COL5A1: variants seen among roughly 807,000 people sequenced by gnomAD.
The protein encoded by COL5A1 is collagen alpha-1(V) chain.
In COL5A1, 16 loss-of-function variants were observed where a neutral mutation model predicts 263.7. The ratio of observed to expected loss-of-function variants is 0.06; its 90% CI spans 0.04 to 0.09. The LOEUF (loss-of-function observed/expected upper bound fraction) is 0.09. COL5A1 is among the 10% of genes least tolerant of loss of function. The pLI, the probability that COL5A1 is intolerant of heterozygous loss-of-function variation, is 1.00. For synonymous variants in COL5A1, 1,012 were observed against 1,004.5 expected (o/e 1.01, Z -0.14); for missense variants, 2,036 against 2,540.5 (o/e 0.80, Z 4.27).
At position 134,842,058 on chromosome 9, in the gene COL5A1, C is replaced by T; in HGVS notation, c.5371-99C>T. 7.0e-7 allele frequency: 1 copy of T among 1,425,030 alleles called. No homozygotes were observed. The highest frequency in any genetic ancestry group is 9.8e-7 in the Non-Finnish European group (1 of 1,015,916). 88.3% of individuals were successfully genotyped at this position (1,425,030 alleles called of 1,614,324 possible). ...CCCTGGGTAGGAGACAGGACACCAGCCTGGGTTTTGGAGCCAGACAGATTG... is the reference window on the plus strand; with the variant it reads ...CCCTGGGTAGGAGACAGGACACCAGTCTGGGTTTTGGAGCCAGACAGATTG... On this transcript the variant is annotated intron_variant, in intron 65 of 65. Coordinates refer to ENST00000371817, the MANE Select transcript of COL5A1 (RefSeq NM_000093.5). This position sits in a 1 kb window ranked among gnomAD's most constrained non-coding sequence, Gnocchi z 5.8.
At chr9:134,745,391 G>A (rs773219514) in intron 11 of COL5A1, among the ~76,000 whole-genome samples, 1 of 146,798 alleles carries the variant, frequency 6.8e-6, no homozygotes, top group Non-Finnish European at 1.5e-5. Context: ...GGGTCTGCCA[G>A]GGTGTTCATC....
chr9:134,841,517 C>T lies in COL5A1; in HGVS notation c.5371-640C>T, dbSNP rs906650676. Among the ~76,000 whole-genome samples the T allele has an allele frequency of 6.6e-6, 1 of 152,166 alleles. No homozygotes were observed. The highest frequency in any genetic ancestry group is 6.5e-5 in the Admixed American group (1 of 15,286). The stretch of plus-strand genomic sequence containing the variant: ...CATCCTGCAGGCCAGGTTCATTGCA[C>T]TACCCCTGCCCTCTGTGCCTCAGTT... On this transcript the variant is annotated intron_variant, in intron 65 of 65. Transcript: ENST00000371817. This position sits in a 1 kb window ranked among gnomAD's most constrained non-coding sequence, Gnocchi z 4.8.
At chr9:134,693,231 T>C (rs1331214203) in intron 2 of COL5A1, among the ~76,000 whole-genome samples, 2 of 151,274 alleles carry the variant, frequency 1.3e-5, no homozygotes, top group African/African-American at 4.9e-5. Context: ...AACCAGATGC[T>C]AGGTGAGCGA....
chr9:134,727,546 C>G (rs1834706619), intron 5 of COL5A1, 149 bp downstream of exon 5: 1 of 853,540 alleles, frequency 1.2e-6, no homozygotes, highest in Non-Finnish European at 1.9e-6. Context: ...ATTGGGATAT[C>G]TGACTCACTT....
Position 134,684,232 on chromosome 9 carries a change from C to G in COL5A1, c.110-6680C>G, listed in dbSNP as rs186521136. On this transcript the variant is annotated intron_variant, in intron 1 of 65. Coordinates refer to ENST00000371817, the MANE Select transcript of COL5A1 (RefSeq NM_000093.5). ...GAGTGCTCGGGCACCAGTGGACGAC[C>G]AGGAACTGATTTAAGTTCCCGCTAA... Among the ~76,000 whole-genome samples the G allele has an allele frequency of 2.0e-3, 298 of 152,330 alleles. 2 individuals carry two copies. The highest frequency in any genetic ancestry group is 6.9e-3 in the African/African-American group (288 of 41,582).
At position 134,745,324 on chromosome 9, in the gene COL5A1, A is replaced by G. The variant is rs529550340; in HGVS notation, c.1495-5218A>G. Reference sequence around the variant, plus strand: ...CGGGACATTTCTAGAGTGAAGGGACAGCTGGCAGGAGCTGCATGAATGGCG... The same window carrying G: ...CGGGACATTTCTAGAGTGAAGGGACGGCTGGCAGGAGCTGCATGAATGGCG... On this transcript the variant is annotated intron_variant, in intron 11 of 65. Transcript: ENST00000371817. Among the ~76,000 whole-genome samples the G allele has an allele frequency of 1.0e-4, 16 of 152,384 alleles. No homozygotes were observed. In the South Asian group the frequency reaches 3.1e-3, roughly 30 times the overall value.
intron 11 of COL5A1, among the ~76,000 whole-genome samples, chr9:134,746,655 C>G (rs1361526242): frequency 6.6e-6 from 1 of 152,236 alleles, no homozygotes; most frequent in Non-Finnish European, 1.5e-5. Flanking sequence ...ATTTCTTCAC[C>G]TGGTATAGGT....
intron 42 of COL5A1, among the ~76,000 whole-genome samples, chr9:134,807,317 G>A (rs1838329866): frequency 6.6e-6 from 1 of 152,010 alleles, no homozygotes; most frequent in Admixed American, 6.6e-5. Flanking sequence ...TTTTTGAGAT[G>A]GAGTCTTGCT....
At chr9:134,709,341 G>T in intron 4 of COL5A1, 1 of 296,976 alleles carries the variant, frequency 3.4e-6, no homozygotes, top group Non-Finnish European at 6.5e-6. Context: ...GCTAGCAGGC[G>T]GTTGGCCAAG....
chr9:134,667,105 G>A (rs1356223554), intron 1 of COL5A1, among the ~76,000 whole-genome samples: 1 of 152,204 alleles, frequency 6.6e-6, no homozygotes, highest in Non-Finnish European at 1.5e-5. Context: ...AAATTGCCAG[G>A]AACCATACGA....
At chr9:134,806,765 G>A (rs1455617048) in intron 42 of COL5A1, among the ~76,000 whole-genome samples, 1 of 152,206 alleles carries the variant, frequency 6.6e-6, no homozygotes, top group Middle Eastern at 3.2e-3. Flanking sequence ...AGGAAAGGAT[G>A]TTTGGAACCG....
intron 5 of COL5A1, among the ~76,000 whole-genome samples, chr9:134,728,025 C>T (rs116477740): frequency 0.018 from 2,681 of 152,348 alleles, 87 homozygotes; most frequent in African/African-American, 0.06. Flanking sequence ...CATTTCTCAT[C>T]CGTAATATTA....
chr9:134,822,705 G>A (rs1839058232), intron 59 of COL5A1, among the ~76,000 whole-genome samples: 1 of 131,308 alleles, frequency 7.6e-6, no homozygotes, highest in South Asian at 2.2e-4. Flanking sequence ...GCCAGGACAT[G>A]CTCTTTTCCG....
chr9:134,766,880 G>A (rs967053696), intron 22 of COL5A1, 120 bp from the exon 23 acceptor site: 2 of 972,270 alleles, frequency 2.1e-6, no homozygotes, highest in Middle Eastern at 2.1e-4. Flanking sequence ...CTTCCCGCTG[G>A]CATTAGGCAG....
chr9:134,696,866 C>T lies in COL5A1; in HGVS notation c.278-3043C>T, dbSNP rs929247266. On this transcript the variant is annotated intron_variant, in intron 2 of 65. Transcript: ENST00000371817. This position sits in a 1 kb window ranked among gnomAD's most constrained non-coding sequence, Gnocchi z 4.3. Reference sequence around the variant, plus strand: ...CAGGCGGATCACGAGGTCAGGAGATCGAGACCATCCTGGCTAACACGGTGA... The same window carrying T: ...CAGGCGGATCACGAGGTCAGGAGATTGAGACCATCCTGGCTAACACGGTGA... 3.9e-5 allele frequency among the ~76,000 whole-genome samples: 6 copies of T among 152,054 alleles called. No homozygotes were observed. The highest frequency in any genetic ancestry group is 7.4e-5 in the Non-Finnish European group (5 of 68,016).
chr9:134,835,330 C>A lies in COL5A1; in HGVS notation c.5370+126C>A, dbSNP rs377340869. 39 of 816,028 alleles carry A rather than the reference C, an allele frequency of 4.8e-5. No homozygotes were observed. The African/African-American group carries it at 5.2e-4, about 11-fold the overall frequency. The allele number at this position is 816,028 out of a possible 1,614,324, so 50.5% of individuals were successfully genotyped here. On this transcript the variant is annotated intron_variant, in intron 65 of 65. Transcript: ENST00000371817. Reference sequence around the variant, plus strand: ...GGCAGTGAGGGCCCCGGACCAGACTCTCGCCCCAGGCAGCCCCACAGTTGC... The same window carrying A: ...GGCAGTGAGGGCCCCGGACCAGACTATCGCCCCAGGCAGCCCCACAGTTGC...
At chr9:134,760,990 C>A (rs111207706) in intron 18 of COL5A1, among the ~76,000 whole-genome samples, 2 of 115,116 alleles carry the variant, frequency 1.7e-5, no homozygotes, top group Non-Finnish European at 3.2e-5. Context: ...CCCCGATACA[C>A]ACATACACGT....
At position 134,841,999 on chromosome 9, in the gene COL5A1, A is replaced by C. The variant is rs1025531088; in HGVS notation, c.5371-158A>C. On this transcript the variant is annotated intron_variant, in intron 65 of 65. Transcript: ENST00000371817. This position sits in a 1 kb window ranked among gnomAD's most constrained non-coding sequence, Gnocchi z 4.8. ...GGTTAAATGCATGCTCTGATCAGCCATATTTCCTCCAACACTTGCCCGGGC... is the reference window on the plus strand; with the variant it reads ...GGTTAAATGCATGCTCTGATCAGCCCTATTTCCTCCAACACTTGCCCGGGC... 6.6e-6 allele frequency among the ~76,000 whole-genome samples: 1 copy of C among 152,114 alleles called. No individual in the cohort carries two copies. Among genetic ancestry groups the C allele is most frequent in the African/African-American group, 2.4e-5 (1 of 41,434 alleles).
rs1838859088 is a variant in COL5A1 at position 134,818,601 on chromosome 9, A to G, written c.4231-55A>G. ...GGTTTCCGAGCAGTGGTCCTGGGCC[A>G]GGGTGCCTGGAGCCTAGAGCTCCGG... On this transcript the variant is annotated intron_variant, in intron 54 of 65. Coordinates refer to ENST00000371817, the MANE Select transcript of COL5A1 (RefSeq NM_000093.5). The surrounding 1 kb of genome is among the most constrained non-coding windows in gnomAD (Gnocchi z 6.0). 1 of 1,346,168 alleles carries G rather than the reference A, an allele frequency of 7.4e-7. No homozygotes were observed. Among genetic ancestry groups the G allele is most frequent in the Non-Finnish European group, 1.0e-6 (1 of 955,074 alleles). The allele number at this position is 1,346,168 out of a possible 1,614,324, so 83.4% of individuals were successfully genotyped here.
Sources: allele counts gnomAD v4.1 joint callset (sites outside exome capture counted in the v4.1 genomes callset), GRCh38; gene constraint gnomAD v4.1.1; non-coding constraint Gnocchi (gnomAD v3.1); transcripts MANE v1.5; gene names NCBI Gene and HGNC (gene_info 2026-07-23, HGNC 2026-07-21).